The following MYH11 variants were observed in gnomAD, a reference collection of about 807,000 sequenced individuals.
The protein encoded by MYH11 is myosin heavy chain 11, also known as myosin-11.
In MYH11, 80 loss-of-function variants were observed where a neutral mutation model predicts 246.6. That is an observed-to-expected ratio of 0.32 (90% CI 0.27 to 0.39). The LOEUF (loss-of-function observed/expected upper bound fraction) is 0.39, where lower values mean the gene tolerates loss of function less well. MYH11 is among the 10% of genes least tolerant of loss of function. The pLI, the probability that MYH11 is intolerant of heterozygous loss-of-function variation, is 1.00. For synonymous variants in MYH11, 1,071 were observed against 1,015.5 expected (o/e 1.05, Z -1.04); for missense variants, 2,158 against 2,546.8 (o/e 0.85, Z 3.29).
At chr16:15,753,010 A>C (rs1339812016) in intron 15 of MYH11, among the ~76,000 whole-genome samples, 1 of 152,158 alleles carries the variant, frequency 6.6e-6, no homozygotes, top group East Asian at 1.9e-4. Context: ...TTTACTAATG[A>C]GGACAATGAA....
At chr16:15,851,191 G>A (rs916538855) in intron 1 of MYH11, among the ~76,000 whole-genome samples, 1 of 152,176 alleles carries the variant, frequency 6.6e-6, no homozygotes. Context: ...CCTGGTCCAG[G>A]TGTAGGGAGG....
intron 27 of MYH11, among the ~76,000 whole-genome samples, chr16:15,728,142 T>C (rs1233955018): frequency 1.3e-5 from 2 of 152,094 alleles, no homozygotes; most frequent in Non-Finnish European, 2.9e-5. Flanking sequence ...GGCACAAGTA[T>C]TGCTTGAACC....
chr16:15,708,590 G>A (rs1389445560), intron 40 of MYH11, among the ~76,000 whole-genome samples: 1 of 152,236 alleles, frequency 6.6e-6, no homozygotes. Flanking sequence ...CCAGAGGCAG[G>A]AAGGACAGTG....
intron 40 of MYH11, among the ~76,000 whole-genome samples, chr16:15,706,181 A>G (rs1363303626): frequency 6.6e-6 from 1 of 151,660 alleles, no homozygotes; most frequent in Non-Finnish European, 1.5e-5. Context: ...CAAAGTAAAC[A>G]CTCCTAGCCC....
chr16:15,745,326 C>T (rs1461899908), intron 19 of MYH11, 89 bp from the exon 20 acceptor site: 3 of 874,812 alleles, frequency 3.4e-6, no homozygotes, highest in Non-Finnish European at 3.7e-6. Context: ...TGAACCTGCA[C>T]AGGGACATGC....
intron 5 of MYH11, chr16:15,782,721 G>A (rs2042385107): frequency 2.0e-6 from 1 of 501,354 alleles, no homozygotes; most frequent in South Asian, 2.1e-5. Context: ...TCAAGACCAG[G>A]GCCTGCTCAT....
intron 3 of MYH11, among the ~76,000 whole-genome samples, chr16:15,819,749 C>A (rs140386328): frequency 1.3e-5 from 2 of 152,248 alleles, no homozygotes; most frequent in Non-Finnish European, 2.9e-5. Context: ...CATCCCGAAC[C>A]ATCTCTCCCC....
intron 2 of MYH11, among the ~76,000 whole-genome samples, chr16:15,829,135 A>G (rs1394126974): frequency 1.3e-5 from 2 of 151,976 alleles, no homozygotes; most frequent in Non-Finnish European, 2.9e-5. Flanking sequence ...GTGAGCCGAG[A>G]TCATGCCACC....
intron 2 of MYH11, 121 bp from the exon 3 acceptor site, chr16:15,823,532 C>T (rs2043474121): frequency 1.6e-6 from 2 of 1,258,558 alleles, no homozygotes; most frequent in Middle Eastern, 1.8e-4. Flanking sequence ...TAGTGGAAAC[C>T]CTGGGCCTCA....
At chr16:15,746,745 G>A (rs903231338) in intron 19 of MYH11, among the ~76,000 whole-genome samples, 4 of 152,094 alleles carry the variant, frequency 2.6e-5, no homozygotes, top group Non-Finnish European at 4.4e-5. Context: ...ACTGGGACAC[G>A]GGGATCTAGA....
At position 15,793,615 on chromosome 16, in the gene MYH11, CTTTTT is replaced by C. The variant is rs572455483; in HGVS notation, c.530+5040_530+5044del. Among the ~76,000 whole-genome samples, 10 of 93,786 alleles carry C rather than the reference CTTTTT, an allele frequency of 1.1e-4. No individual in the cohort carries two copies. The South Asian group carries it at 3.0e-3, about 28-fold the overall frequency. 61.5% of individuals were successfully genotyped at this position (93,786 alleles called of 152,430 possible). ...GCCAATTTTCAGTTTCTTTTCTTTT[CTTTTT>C]TTTTTTTTTTTTTTTTTGAGACAGA... is the stretch of plus-strand genomic sequence containing the variant. On this transcript the variant is annotated intron_variant, in intron 4 of 40. Coordinates refer to ENST00000300036, the MANE Select transcript of MYH11 (RefSeq NM_002474.3).
At position 15,727,006 on chromosome 16, in the gene MYH11, C is replaced by T. The variant is rs16967494; in HGVS notation, c.3700G>A (p.Ala1234Thr). ...KNKQTLEKENADLAGELRVLG... is the reference protein window; with the variant it reads ...KNKQTLEKENTDLAGELRVLG... ...ACCCGCAGCTCCCCGGCCAGGTCTG[C>T]GTTCTCTTTCTCCAGCGTCTGCTTA... is the stretch of plus-strand genomic sequence containing the variant. Residue 1234 changes from alanine to threonine, a missense_variant, in exon 28 of 41, where the codon GCA (alanine) becomes ACA (threonine). By Grantham distance (58) the Ala-to-Thr change is moderately conservative. Coordinates refer to ENST00000300036, the MANE Select transcript of MYH11 (RefSeq NM_002474.3). The T allele has an allele frequency of 0.26, 426,380 of 1,613,080 alleles. 58,964 individuals are homozygous for T. Among genetic ancestry groups the T allele is most frequent in the East Asian group, 0.33 (14,755 of 44,802 alleles).
intron 3 of MYH11, among the ~76,000 whole-genome samples, chr16:15,803,534 C>A (rs2042938195): frequency 6.6e-6 from 1 of 152,072 alleles, no homozygotes; most frequent in Admixed American, 6.6e-5. Context: ...GCCTCAGCCT[C>A]CCAAAGTACT....
chr16:15,836,454 C>A (rs1231909104), intron 2 of MYH11, among the ~76,000 whole-genome samples: 2 of 152,158 alleles, frequency 1.3e-5, no homozygotes, highest in African/African-American at 4.8e-5. Context: ...AGCTGGAGTA[C>A]AATAACGCGA....
intron 5 of MYH11, chr16:15,786,413 G>T: frequency 2.7e-6 from 2 of 751,712 alleles, no homozygotes; most frequent in Non-Finnish European, 4.9e-6. Flanking sequence ...CACAAAACGG[G>T]CCCCCTTCTG....
At chr16:15,761,706 AT>A (rs199793322) in intron 10 of MYH11, among the ~76,000 whole-genome samples, 7 of 151,406 alleles carry the variant, frequency 4.6e-5, no homozygotes, top group East Asian at 1.9e-4. Flanking sequence ...TGATTTTAGG[AT>A]TTTTTTTTCC....
intron 12 of MYH11, 97 bp downstream of exon 12, chr16:15,759,479 C>A (rs766114894): frequency 1.3e-6 from 2 of 1,494,608 alleles, no homozygotes; most frequent in Non-Finnish European, 1.9e-6. Context: ...CCTACAGTAG[C>A]CATCTACATG....
intron 4 of MYH11, among the ~76,000 whole-genome samples, chr16:15,797,789 T>C (rs1375774320): frequency 4.3e-4 from 65 of 152,128 alleles, no homozygotes. Context: ...AACAGGGGAA[T>C]GCTCTACCTT....
intron 1 of MYH11, among the ~76,000 whole-genome samples, chr16:15,848,400 A>G (rs1212610092): frequency 6.6e-6 from 1 of 151,786 alleles, no homozygotes; most frequent in East Asian, 1.9e-4. Flanking sequence ...TGCCTGGCTA[A>G]TTTTTGTATT....
Sources: gnomAD v4.1 joint callset for allele counts (sites outside exome capture counted in the v4.1 genomes callset) on GRCh38, gnomAD v4.1.1 for gene constraint, MANE v1.5 for transcripts, NCBI Gene and HGNC (gene_info 2026-07-23, HGNC 2026-07-21) for gene names.